VTI1A: variants seen among roughly 807,000 people sequenced by gnomAD.
VTI1A encodes vesicle transport through interaction with t-SNAREs homolog 1A.
VTI1A carries 22 observed loss-of-function variants against 34.9 expected under a neutral mutation model. The ratio of observed to expected loss-of-function variants is 0.63; its 90% CI spans 0.45 to 0.90. VTI1A has a LOEUF of 0.90. Ranked by LOEUF, VTI1A falls within the 40% of genes least tolerant of loss-of-function variation. The pLI is 0.00. For synonymous variants in VTI1A, 87 were observed against 97.3 expected (o/e 0.89, Z 0.62); for missense variants, 268 against 275.6 (o/e 0.97, Z 0.20).
chr10:112,694,945 G>T (rs1392724440), intron 7 of VTI1A, among the ~76,000 whole-genome samples: 2 of 151,976 alleles, frequency 1.3e-5, no homozygotes, highest in Non-Finnish European at 2.9e-5. Context: ...CTCCAGCCCG[G>T]GTGACAGAGT....
intron 5 of VTI1A, among the ~76,000 whole-genome samples, chr10:112,581,788 C>G (rs926668755): frequency 6.6e-6 from 1 of 152,146 alleles, no homozygotes; most frequent in African/African-American, 2.4e-5. Context: ...CTAGCCACCT[C>G]CATAATCTCT....
At chr10:112,591,518 T>TCACACACACACACA (rs61256241) in intron 5 of VTI1A, among the ~76,000 whole-genome samples, 9,628 of 150,782 alleles carry the variant, frequency 0.064, 397 homozygotes, top group Non-Finnish European at 0.095. Context: ...AGACTCCGTC[T>TCACACACACACACA]CACACACACA....
intron 5 of VTI1A, among the ~76,000 whole-genome samples, chr10:112,646,949 G>A (rs1245424735): frequency 6.6e-6 from 1 of 152,114 alleles, no homozygotes; most frequent in African/African-American, 2.4e-5. Flanking sequence ...GCTAGATGTT[G>A]GGACCATGTT....
chr10:112,832,066 T>C, the VTI1A span: 4 of 152,282 alleles, frequency 2.6e-5, no homozygotes, highest in East Asian at 7.7e-4. Flanking sequence ...ATAGCTCGGC[T>C]GGTCTTCAAT....
chr10:112,686,436 C>G (rs1411769231), intron 7 of VTI1A, among the ~76,000 whole-genome samples: 1 of 152,020 alleles, frequency 6.6e-6, no homozygotes, highest in African/African-American at 2.4e-5. Context: ...TTAAAATTGC[C>G]CTAGATAAGG....
At chr10:112,839,990 A>G in the VTI1A span, among the ~76,000 whole-genome samples, 1 of 152,018 alleles carries the variant, frequency 6.6e-6, no homozygotes, top group South Asian at 2.1e-4. Flanking sequence ...TGTAAGTTGG[A>G]CAGCTGTGAG....
rs1272619419 is a variant in VTI1A, at chr10:112,668,980, T to C, written c.542T>C (p.Leu181Pro). Residue 181 changes from leucine to proline, a missense_variant, in exon 7 of 8, where the codon CTG (leucine) becomes CCG (proline). Coordinates refer to ENST00000393077, the MANE Select transcript of VTI1A (RefSeq NM_145206.4). The stretch of plus-strand genomic sequence containing the variant: ...AATTTGGGAAAAAGCTCCAGGATTC[T>C]GACAGGGATGTTGCGAAGGTAAGAG... ...DANLGKSSRI[L>P]TGMLRRIIQN... is the part of the protein sequence containing the mutation. 5.6e-6 allele frequency: 9 copies of C among 1,612,382 alleles called. No individual in the cohort carries two copies. The highest frequency in any genetic ancestry group is 7.6e-6 in the Non-Finnish European group (9 of 1,178,756).
chr10:112,544,650 A>C (rs574155851), intron 5 of VTI1A, among the ~76,000 whole-genome samples: 1 of 152,272 alleles, frequency 6.6e-6, no homozygotes, highest in East Asian at 1.9e-4. Context: ...ATAACTGATA[A>C]AGGCTACCTT....
intron 7 of VTI1A, among the ~76,000 whole-genome samples, chr10:112,796,355 G>A (rs1322733680): frequency 1.3e-5 from 2 of 150,788 alleles, no homozygotes; most frequent in South Asian, 2.1e-4. Context: ...GCAGTGAGCC[G>A]AGATTGAGCC....
intron 7 of VTI1A, chr10:112,752,223 A>T: frequency 4.6e-6 from 1 of 219,488 alleles, no homozygotes; most frequent in Non-Finnish European, 7.7e-6. Flanking sequence ...AGTTCCTCCC[A>T]ACTAAGCTGT....
chr10:112,476,595 C>T lies in VTI1A; in HGVS notation c.264+11938C>T, dbSNP rs114814845. On this transcript the variant is annotated intron_variant, in intron 3 of 7. Coordinates refer to ENST00000393077, the MANE Select transcript of VTI1A (RefSeq NM_145206.4). ...TGGCTCAGTATGGTAGTGATGTCCA[C>T]ATGTTCATTGTCCTCTTAAGGCTTA... is the stretch of plus-strand genomic sequence containing the variant. Among the ~76,000 whole-genome samples, 1,068 of 152,290 alleles carry T rather than the reference C, an allele frequency of 7.0e-3. 14 individuals carry two copies. Among genetic ancestry groups the T allele is most frequent in the African/African-American group, 0.025 (1,039 of 41,556 alleles).
chr10:112,821,731 A>G (rs12359794), downstream of VTI1A, among the ~76,000 whole-genome samples: 44,219 of 152,128 alleles, frequency 0.29, 6,854 homozygotes, highest in East Asian at 0.51. Flanking sequence ...CACCTCCTTG[A>G]GGGATGGGGA....
intron 5 of VTI1A, among the ~76,000 whole-genome samples, chr10:112,657,425 AT>A (rs1324472981): frequency 6.6e-6 from 1 of 152,190 alleles, no homozygotes; most frequent in Non-Finnish European, 1.5e-5. Context: ...AACATTTTAA[AT>A]TTATGAGTCA....
At chr10:112,798,385 G>A (rs1236765664) in intron 7 of VTI1A, among the ~76,000 whole-genome samples, 1 of 152,164 alleles carries the variant, frequency 6.6e-6, no homozygotes, top group African/African-American at 2.4e-5. Context: ...GGGCCATCGT[G>A]TTGTCTAGTA....
At position 112,761,709 on chromosome 10, in the gene VTI1A, G is replaced by A. The variant is rs114195838; in HGVS notation, c.561-53581G>A. On this transcript the variant is annotated intron_variant, in intron 7 of 7. Coordinates refer to ENST00000393077, the MANE Select transcript of VTI1A (RefSeq NM_145206.4). ...TTTGGAAACTGCTGATTCTGTTGCT[G>A]TATTTATTACCAGTGCTTGTTCTCT... Among the ~76,000 whole-genome samples, 318 of 151,998 alleles carry A rather than the reference G, an allele frequency of 2.1e-3. 2 individuals are homozygous for A. The highest frequency in any genetic ancestry group is 7.2e-3 in the African/African-American group (298 of 41,466).
intron 3 of VTI1A, among the ~76,000 whole-genome samples, chr10:112,470,121 G>C (rs1261640446): frequency 1.3e-5 from 2 of 152,210 alleles, no homozygotes; most frequent in Non-Finnish European, 2.9e-5. Flanking sequence ...CAGTTGTGTA[G>C]AACAGGAGGG....
At chr10:112,674,206 C>T (rs146759844) in intron 7 of VTI1A, among the ~76,000 whole-genome samples, 3 of 152,220 alleles carry the variant, frequency 2.0e-5, no homozygotes, top group African/African-American at 4.8e-5. Context: ...GTGATAAACT[C>T]GGGCCCTGAC....
rs1851181768 is a variant in VTI1A, at chr10:112,547,617, C to T, written c.427+9287C>T. The stretch of plus-strand genomic sequence containing the variant: ...TCATAATAATAATAATTTTAAGCTG[C>T]AGTCATTCCCCATTATAGGAATATA... On this transcript the variant is annotated intron_variant, in intron 5 of 7. Coordinates refer to ENST00000393077, the MANE Select transcript of VTI1A (RefSeq NM_145206.4). 5.3e-5 allele frequency among the ~76,000 whole-genome samples: 8 copies of T among 152,120 alleles called. No individual in the cohort carries two copies. In the South Asian group the frequency reaches 1.7e-3, roughly 32 times the overall value.
intron 7 of VTI1A, among the ~76,000 whole-genome samples, chr10:112,804,758 A>G (rs2134077899): frequency 6.6e-6 from 1 of 151,950 alleles, no homozygotes; most frequent in South Asian, 2.1e-4. Context: ...GAAGGACTTC[A>G]GCCAGACCTG....
Sources: allele counts gnomAD v4.1 joint callset (sites outside exome capture counted in the v4.1 genomes callset), GRCh38; gene constraint gnomAD v4.1.1; transcripts MANE v1.5; gene names NCBI Gene and HGNC (gene_info 2026-07-23, HGNC 2026-07-21).